BRIP1: variants seen among roughly 807,000 people sequenced by gnomAD.
The protein encoded by BRIP1 is Fanconi anemia group J protein.
Under a neutral mutation model 119.7 loss-of-function variants are expected in BRIP1, and 88 were observed. The ratio of observed to expected loss-of-function variants is 0.74; its 90% CI spans 0.62 to 0.88. BRIP1 has a LOEUF of 0.88. BRIP1 is among the 40% of genes least tolerant of loss of function. The pLI is 0.00. For missense variants in BRIP1, 1,259 were observed against 1,455.4 expected (o/e 0.87, Z 2.20); for synonymous variants, 443 against 496.5 (o/e 0.89, Z 1.43).
chr17:61,778,248 T>C lies in BRIP1; in HGVS notation c.1936-1686A>G, dbSNP rs1286308222. Among the ~76,000 whole-genome samples the C allele has an allele frequency of 6.6e-6, 1 of 152,164 alleles. No individual in the cohort carries two copies. The highest frequency in any genetic ancestry group is 1.5e-5 in the Non-Finnish European group (1 of 68,030). ...GCCAGTCACAAAAACGACAAATATT[T>C]TATGATTCCACTTATATGAAGTATT... is the stretch of plus-strand genomic sequence containing the variant. On this transcript the variant is annotated intron_variant, in intron 13 of 19. Transcript: ENST00000259008. This position sits in a 1 kb window ranked among gnomAD's most constrained non-coding sequence, Gnocchi z 4.4.
rs2078132486 is a variant in BRIP1 at position 61,809,688 on chromosome 17, G to C, written c.628-931C>G. 1.3e-5 allele frequency among the ~76,000 whole-genome samples: 2 copies of C among 152,082 alleles called. No homozygotes were observed. Among genetic ancestry groups the C allele is most frequent in the African/African-American group, 2.4e-5 (1 of 41,410 alleles). On this transcript the variant is annotated intron_variant, in intron 6 of 19. Transcript: ENST00000259008. The surrounding 1 kb of genome is among the most constrained non-coding windows in gnomAD (Gnocchi z 5.2). ...ACACAGAACAAAGTCTCATTTTAGA[G>C]AAATAGTGTAAAATGGTTAATTTAT...
In BRIP1 at chr17:61,838,958, A is replaced by C. The variant is rs565849814; in HGVS notation, c.627+8143T>G. 5.9e-5 allele frequency among the ~76,000 whole-genome samples: 9 copies of C among 152,234 alleles called. 1 individual carries two copies. The South Asian group carries it at 1.9e-3, about 32-fold the overall frequency. On this transcript the variant is annotated intron_variant, in intron 6 of 19. Transcript: ENST00000259008. ...TGAAACTATTTTTCTTCTACTTTTC[A>C]TGAAACCACCTATCCCAAAATCTAC...
At chr17:61,830,810 T>C (rs1212166754) in intron 6 of BRIP1, among the ~76,000 whole-genome samples, 1 of 152,140 alleles carries the variant, frequency 6.6e-6, no homozygotes, top group Non-Finnish European at 1.5e-5. Context: ...CAAAGCCAGA[T>C]AAAGACATTA....
At position 61,823,795 on chromosome 17, in the gene BRIP1, CA is replaced by C. The variant is rs1567850231; in HGVS notation, c.628-15039del. On this transcript the variant is annotated intron_variant, in intron 6 of 19. Transcript: ENST00000259008. This position sits in a 1 kb window ranked among gnomAD's most constrained non-coding sequence, Gnocchi z 4.8. ...ACACACACACACACACACACACACA[CA>C]CCTTAGTTGAATTGCTGAAAGCAGA... 1.1e-4 allele frequency among the ~76,000 whole-genome samples: 16 copies of C among 149,812 alleles called. No homozygotes were observed. Among genetic ancestry groups the C allele is most frequent in the African/African-American group, 2.5e-4 (10 of 40,482 alleles).
At position 61,846,957 on chromosome 17, in the gene BRIP1, A is replaced by G; in HGVS notation, c.627+144T>C. 1 of 883,236 alleles carries G rather than the reference A, an allele frequency of 1.1e-6. No homozygotes were observed. The highest frequency in any genetic ancestry group is 1.8e-6 in the Non-Finnish European group (1 of 562,168). The allele number at this position is 883,236 out of a possible 1,614,324, so 54.7% of individuals were successfully genotyped here. ...AGGCTTTGCCATCTCACACATTAGT[A>G]ACAGAGATGTGACAGCATTGAGGAC... On this transcript the variant is annotated intron_variant, in intron 6 of 19. Coordinates refer to ENST00000259008, the MANE Select transcript of BRIP1 (RefSeq NM_032043.3). This position sits in a 1 kb window ranked among gnomAD's most constrained non-coding sequence, Gnocchi z 4.3.
In BRIP1 at chr17:61,739,712, G is replaced by A. The variant is rs370071488; in HGVS notation, c.2379+3301C>T. 8.5e-5 allele frequency among the ~76,000 whole-genome samples: 13 copies of A among 152,220 alleles called. No homozygotes were observed. In the East Asian group the frequency reaches 2.3e-3, roughly 27 times the overall value. ...CCTGCTTTGGTATGAGACCCTAACTGACTGTATCCTAGGGGGAGGGATATA... is the reference window on the plus strand; with the variant it reads ...CCTGCTTTGGTATGAGACCCTAACTAACTGTATCCTAGGGGGAGGGATATA... On this transcript the variant is annotated intron_variant, in intron 16 of 19. Coordinates refer to ENST00000259008, the MANE Select transcript of BRIP1 (RefSeq NM_032043.3). This position sits in a 1 kb window ranked among gnomAD's most constrained non-coding sequence, Gnocchi z 6.0.
Position 61,720,152 on chromosome 17 carries a change from T to C in BRIP1, c.2380-4089A>G, listed in dbSNP as rs139794183. Among the ~76,000 whole-genome samples, 1 of 152,294 alleles carries C rather than the reference T, an allele frequency of 6.6e-6. No individual in the cohort carries two copies. ...CGTCTGGCTGAGATTTGTTAAAGGA[T>C]ATAAAGTTACAGCTAGATAGAAGGA... On this transcript the variant is annotated intron_variant, in intron 16 of 19. Transcript: ENST00000259008. This position sits in a 1 kb window ranked among gnomAD's most constrained non-coding sequence, Gnocchi z 4.3.
Position 61,681,903 on chromosome 17 carries a change from C to A in BRIP1, c.*1393G>T, listed in dbSNP as rs754698039. ...GAAATTTTGACTTGAAAATAATAGA[C>A]CATACAGAATTCTTGGATAGCTCAT... On this transcript the variant is annotated 3_prime_UTR_variant, in exon 20 of 20. Coordinates refer to ENST00000259008, the MANE Select transcript of BRIP1 (RefSeq NM_032043.3). This position sits in a 1 kb window ranked among gnomAD's most constrained non-coding sequence, Gnocchi z 5.1. The A allele has an allele frequency of 4.0e-5, 8 of 199,200 alleles. No homozygotes were observed. The highest frequency in any genetic ancestry group is 6.2e-5 in the Non-Finnish European group (6 of 96,628). The allele number at this position is 199,200 out of a possible 1,614,324, so 12.3% of individuals were successfully genotyped here.
Position 61,693,415 on chromosome 17 carries a change from C to CA in BRIP1, c.2575+14dup. 1 of 1,603,648 alleles carries CA rather than the reference C, an allele frequency of 6.2e-7. No homozygotes were observed. On this transcript the variant is annotated intron_variant, in intron 18 of 19. Transcript: ENST00000259008. The surrounding 1 kb of genome is among the most constrained non-coding windows in gnomAD (Gnocchi z 4.2). ...TTGTTACTAGTTTTTACTCTAAGCC[C>CA]AGCTGAGATCTTACCAGATATATAG...
chr17:61,715,195 C>T (rs1422292827), intron 17 of BRIP1, among the ~76,000 whole-genome samples: 1 of 150,550 alleles, frequency 6.6e-6, no homozygotes, highest in African/African-American at 2.4e-5. Context: ...GTGAGGCTGT[C>T]TAAAACAATA....
In BRIP1 at chr17:61,780,172, T is replaced by C; in HGVS notation, c.1935+89A>G. On this transcript the variant is annotated intron_variant, in intron 13 of 19. Coordinates refer to ENST00000259008, the MANE Select transcript of BRIP1 (RefSeq NM_032043.3). This position sits in a 1 kb window ranked among gnomAD's most constrained non-coding sequence, Gnocchi z 5.4. ...GAATTTCCTACCAAGATTTACTTGC[T>C]GGCACTTCAGGTATCTTCTAACTTG... is the stretch of plus-strand genomic sequence containing the variant. 7.3e-7 allele frequency: 1 copy of C among 1,367,354 alleles called. No individual in the cohort carries two copies. The highest frequency in any genetic ancestry group is 1.2e-5 in the South Asian group (1 of 80,092). The allele number at this position is 1,367,354 out of a possible 1,614,324, so 84.7% of individuals were successfully genotyped here.
chr17:61,733,988 C>T (rs2076885272), intron 16 of BRIP1, among the ~76,000 whole-genome samples: 1 of 152,136 alleles, frequency 6.6e-6, no homozygotes, highest in African/African-American at 2.4e-5. Flanking sequence ...TGGTTTTATA[C>T]ATTTTTCTTC....
In BRIP1 at chr17:61,700,016, A is replaced by C. The variant is rs2061588918; in HGVS notation, c.2493-6504T>G. 6.6e-6 allele frequency among the ~76,000 whole-genome samples: 1 copy of C among 152,108 alleles called. No individual in the cohort carries two copies. Among genetic ancestry groups the C allele is most frequent in the African/African-American group, 2.4e-5 (1 of 41,414 alleles). Reference sequence around the variant, plus strand: ...TGGCTCCCTAGACTTTGTCCCATGCACATGTTTTGTTCTCTTTGCTGACTG... The same window carrying C: ...TGGCTCCCTAGACTTTGTCCCATGCCCATGTTTTGTTCTCTTTGCTGACTG... On this transcript the variant is annotated intron_variant, in intron 17 of 19. Transcript: ENST00000259008. The surrounding 1 kb of genome is among the most constrained non-coding windows in gnomAD (Gnocchi z 4.1).
intron 16 of BRIP1, among the ~76,000 whole-genome samples, chr17:61,721,274 T>A (rs1471207303): frequency 4.7e-5 from 7 of 149,278 alleles, no homozygotes; most frequent in Admixed American, 1.3e-4. Flanking sequence ...AAGCTTTTTT[T>A]TTTTTTTTTT....
chr17:61,704,225 T>C lies in BRIP1; in HGVS notation c.2493-10713A>G, dbSNP rs2061657734. Among the ~76,000 whole-genome samples the C allele has an allele frequency of 6.6e-6, 1 of 152,178 alleles. No individual in the cohort carries two copies. Among genetic ancestry groups the C allele is most frequent in the East Asian group, 1.9e-4 (1 of 5,204 alleles). ...TTTTATTTTTAGGCTCTTATAGTTT[T>C]CTTTTTTCCCCCTTTTCCTTTTGTT... On this transcript the variant is annotated intron_variant, in intron 17 of 19. Transcript: ENST00000259008. The surrounding 1 kb of genome is among the most constrained non-coding windows in gnomAD (Gnocchi z 5.7).
Position 61,772,837 on chromosome 17 carries a change from A to C in BRIP1, c.2097+3564T>G, listed in dbSNP as rs1175907640. 2.0e-5 allele frequency among the ~76,000 whole-genome samples: 3 copies of C among 151,326 alleles called. No homozygotes were observed. The South Asian group carries it at 6.2e-4, about 32-fold the overall frequency. ...CCATCTCAGAAAAAAAAAAAAAAAAAAAAAAACCTAAATTTTGTTATGCAT... is the reference window on the plus strand; with the variant it reads ...CCATCTCAGAAAAAAAAAAAAAAAACAAAAAACCTAAATTTTGTTATGCAT... On this transcript the variant is annotated intron_variant, in intron 14 of 19. Transcript: ENST00000259008.
At position 61,823,525 on chromosome 17, in the gene BRIP1, C is replaced by A. The variant is rs1231971712; in HGVS notation, c.628-14768G>T. Among the ~76,000 whole-genome samples, 4 of 151,780 alleles carry A rather than the reference C, an allele frequency of 2.6e-5. No homozygotes were observed. ...GAAGAGATCAAGGAGCTTGACAAAT[C>A]GGCAATAGAAGGTAGACAAAATGAA... On this transcript the variant is annotated intron_variant, in intron 6 of 19. Coordinates refer to ENST00000259008, the MANE Select transcript of BRIP1 (RefSeq NM_032043.3). This position sits in a 1 kb window ranked among gnomAD's most constrained non-coding sequence, Gnocchi z 4.8.
chr17:61,836,110 T>A (rs1406052237), intron 6 of BRIP1, among the ~76,000 whole-genome samples: 1 of 438 alleles, frequency 2.3e-3, no homozygotes, highest in African/African-American at 5.8e-3. Flanking sequence ...TTATTACTCT[T>A]TTTTTTTTTT....
rs1024407433 is a variant in BRIP1, at chr17:61,757,994, GA to G, written c.2098-13404del. ...GGGCAACAGAATGAGACACTGTCTT[GA>G]AAAAAAAAAAGAGAAAAAAGAAAAG... On this transcript the variant is annotated intron_variant, in intron 14 of 19. Coordinates refer to ENST00000259008, the MANE Select transcript of BRIP1 (RefSeq NM_032043.3). The surrounding 1 kb of genome is among the most constrained non-coding windows in gnomAD (Gnocchi z 4.3). 2.0e-4 allele frequency among the ~76,000 whole-genome samples: 28 copies of G among 139,738 alleles called. No homozygotes were observed. Among genetic ancestry groups the G allele is most frequent in the South Asian group, 4.5e-4 (2 of 4,440 alleles). 91.7% of individuals were successfully genotyped at this position (139,738 alleles called of 152,430 possible). A position where few individuals can be genotyped will look rare whatever the true frequency, so the allele number is the denominator to read the frequency against.
Sources: allele counts gnomAD v4.1 joint callset (sites outside exome capture counted in the v4.1 genomes callset), GRCh38; gene constraint gnomAD v4.1.1; non-coding constraint Gnocchi (gnomAD v3.1); transcripts MANE v1.5; gene names NCBI Gene and HGNC (gene_info 2026-07-23, HGNC 2026-07-21).